DNM3: variants seen among roughly 807,000 people sequenced by gnomAD.
DNM3 encodes dynamin 3.
In DNM3, 47 loss-of-function variants were observed where a neutral mutation model predicts 101.6. That is an observed-to-expected ratio of 0.46 (90% CI 0.37 to 0.59). The LOEUF (loss-of-function observed/expected upper bound fraction) is 0.59. Ranked by LOEUF, DNM3 falls within the 20% of genes least tolerant of loss-of-function variation. The probability of loss-of-function intolerance (pLI) is 0.00; values close to 1 mark genes in which losing one functional copy is unlikely to be tolerated. For synonymous variants in DNM3, 385 were observed against 387.9 expected, an observed-to-expected ratio of 0.99 and a Z score of 0.09; for missense variants, 849 against 1,085.7, an observed-to-expected ratio of 0.78 and a Z score of 3.06.
At chr1:172,039,626 C>T (rs1187898592) in intron 7 of DNM3, among the ~76,000 whole-genome samples, 3 of 152,016 alleles carry the variant, frequency 2.0e-5, no homozygotes, top group African/African-American at 2.4e-5. Context: ...TTGCAAATAC[C>T]GGGTCTTGCC....
chr1:172,415,524 G>GT (rs386368747), downstream of DNM3: 4,947 of 98,762 alleles, frequency 0.05, 463 homozygotes, highest in Middle Eastern at 0.088. Context: ...TTTTTTGTGA[G>GT]TTTTTTTTTT....
intron 12 of DNM3, among the ~76,000 whole-genome samples, chr1:172,091,880 G>A (rs1485359392): frequency 6.6e-6 from 1 of 152,208 alleles, no homozygotes; most frequent in East Asian, 1.9e-4. Flanking sequence ...AGGGATGGCA[G>A]TGTCTTGGAC....
chr1:171,952,968 CAG>C, intron 2 of DNM3, among the ~76,000 whole-genome samples: 1 of 152,116 alleles, frequency 6.6e-6, no homozygotes, highest in Non-Finnish European at 1.5e-5. Flanking sequence ...TCTCTCAATT[CAG>C]AGAGTTAGTT....
At chr1:172,008,510 T>C (rs1005957634) in intron 4 of DNM3, among the ~76,000 whole-genome samples, 2 of 151,600 alleles carry the variant, frequency 1.3e-5, no homozygotes, top group Admixed American at 1.3e-4. Context: ...ATCAGTTGGC[T>C]GTGCGTGGAT....
intron 17 of DNM3, among the ~76,000 whole-genome samples, chr1:172,359,975 TG>T (rs1299014984): frequency 2.0e-5 from 3 of 152,128 alleles, no homozygotes; most frequent in African/African-American, 7.2e-5. Context: ...TATAATCAAC[TG>T]TATACTATGA....
At chr1:172,401,991 A>C (rs1452710012) in intron 20 of DNM3, among the ~76,000 whole-genome samples, 1 of 152,164 alleles carries the variant, frequency 6.6e-6, no homozygotes, top group Non-Finnish European at 1.5e-5. Flanking sequence ...CTTCCATTTT[A>C]CCTAGAAGTG....
In DNM3 at chr1:172,225,574, A is replaced by AT. The variant is rs11339745; in HGVS notation, c.1660-27989dup. Among the ~76,000 whole-genome samples, 1,120 of 148,798 alleles carry AT rather than the reference A, an allele frequency of 7.5e-3. 3 individuals are homozygous for AT. The highest frequency in any genetic ancestry group is 0.01 in the Admixed American group (153 of 14,886). On this transcript the variant is annotated intron_variant, in intron 14 of 20. Coordinates refer to ENST00000627582, the MANE Select transcript of DNM3 (RefSeq NM_015569.5). ...CTTTAGTAACTATTACCAAATGACCATTTTTTTTTTGCCATAACTCTATCT... is the reference window on the plus strand; with the variant it reads ...CTTTAGTAACTATTACCAAATGACCATTTTTTTTTTTGCCATAACTCTATCT...
chr1:172,133,399 G>A (rs886624756), intron 14 of DNM3: 1 of 987,178 alleles, frequency 1.0e-6, no homozygotes, highest in African/African-American at 1.7e-5. Context: ...TTAACCAAGT[G>A]CCATGAATAC....
intron 14 of DNM3, among the ~76,000 whole-genome samples, chr1:172,211,301 GA>G (rs2060504716): frequency 6.6e-6 from 1 of 152,020 alleles, no homozygotes; most frequent in Non-Finnish European, 1.5e-5. Flanking sequence ...AGCTGTCTAA[GA>G]AACAAAATCC....
intron 10 of DNM3, among the ~76,000 whole-genome samples, chr1:172,064,576 A>C (rs956082186): frequency 2.0e-5 from 3 of 152,230 alleles, no homozygotes; most frequent in Admixed American, 6.5e-5. Flanking sequence ...AAGCCTAATC[A>C]GAAATCAATT....
chr1:172,320,614 G>T (rs1335119658), intron 16 of DNM3, among the ~76,000 whole-genome samples: 3 of 152,278 alleles, frequency 2.0e-5, no homozygotes, highest in African/African-American at 7.2e-5. Flanking sequence ...TTGTGTCCAT[G>T]AAGCTGTAAT....
In DNM3 at chr1:172,308,739, A is replaced by G. The variant is rs975483625; in HGVS notation, c.1781A>G (p.Lys594Arg). Residue 594 changes from lysine (K) to arginine (R), a missense_variant, in exon 16 of 21, where the codon AAA becomes AGA. Physicochemically the swap from Lys to Arg is conservative, Grantham distance 26. Around this residue, in one of 5 missense-constraint regions of DNM3, gnomAD observed 193 missense variants for 238.4 expected, o/e 0.81. Transcript: ENST00000627582. ...LFNTEQRNVY[K>R]DYRFLELACD... ...TTTTTTAACTCCAGGAATGTATACA[A>G]AGACTATCGCTTCCTTGAGCTGGCA... 2 of 1,589,602 alleles carry G rather than the reference A, an allele frequency of 1.3e-6. No homozygotes were observed. Among genetic ancestry groups the G allele is most frequent in the Non-Finnish European group, 1.7e-6 (2 of 1,171,492 alleles).
chr1:172,047,047 T>C (rs2049866729), intron 9 of DNM3, among the ~76,000 whole-genome samples: 1 of 152,150 alleles, frequency 6.6e-6, no homozygotes, highest in Non-Finnish European at 1.5e-5. Flanking sequence ...AAATGCACAA[T>C]GTCCTGAGCA....
intron 2 of DNM3, among the ~76,000 whole-genome samples, chr1:171,941,841 A>G (rs747243458): frequency 3.3e-5 from 5 of 152,214 alleles, no homozygotes; most frequent in Non-Finnish European, 7.3e-5. Context: ...CAACAGCAGT[A>G]ACTTGTAATA....
intron 2 of DNM3, among the ~76,000 whole-genome samples, chr1:171,944,900 G>A (rs1471953089): frequency 9.6e-6 from 1 of 104,648 alleles, no homozygotes; most frequent in Non-Finnish European, 1.7e-5. Context: ...GTCTCACTCT[G>A]TCACCCAGGC....
At chr1:172,336,791 CAG>C (rs1456180981) in intron 17 of DNM3, among the ~76,000 whole-genome samples, 1 of 151,590 alleles carries the variant, frequency 6.6e-6, no homozygotes, top group Non-Finnish European at 1.5e-5. Flanking sequence ...TAAGGGAATG[CAG>C]AGTTTTAAAG....
intron 1 of DNM3, among the ~76,000 whole-genome samples, chr1:171,856,901 AGT>A (rs1223807443): frequency 6.6e-6 from 1 of 152,074 alleles, no homozygotes; most frequent in Non-Finnish European, 1.5e-5. Flanking sequence ...TTCTTTGGAG[AGT>A]CCAAGAAAGA....
intron 14 of DNM3, among the ~76,000 whole-genome samples, chr1:172,182,912 G>A (rs745356632): frequency 3.3e-5 from 5 of 152,074 alleles, no homozygotes; most frequent in Non-Finnish European, 7.4e-5. Context: ...TATTGATAAT[G>A]TAGTATCATT....
At chr1:172,286,128 C>T (rs1000083138) in intron 15 of DNM3, among the ~76,000 whole-genome samples, 4 of 151,680 alleles carry the variant, frequency 2.6e-5, no homozygotes, top group African/African-American at 9.7e-5. Flanking sequence ...AGATCCCACA[C>T]AGAGTAATTT....
Sources: allele counts gnomAD v4.1 joint callset (sites outside exome capture counted in the v4.1 genomes callset), GRCh38; gene constraint gnomAD v4.1.1; regional missense constraint gnomAD v4.1.1; transcripts MANE v1.5; gene names NCBI Gene and HGNC (gene_info 2026-07-23, HGNC 2026-07-21).